Variants in SCAI observed in about 807,000 individuals in gnomAD.
The protein encoded by SCAI is protein SCAI.
Under a neutral mutation model 92.2 loss-of-function variants are expected in SCAI, and 24 were observed. The observed-to-expected ratio is 0.26, with a 90% CI of 0.19 to 0.37. The LOEUF is 0.37. Among genes scored for constraint, SCAI ranks in the 10% least tolerant of loss-of-function variants. SCAI has a pLI of 1.00. For missense variants in SCAI, 450 were observed against 736.2 expected, an observed-to-expected ratio of 0.61 and a Z score of 4.50; for synonymous variants, 261 against 258.6, an observed-to-expected ratio of 1.01 and a Z score of -0.09.
chr9:125,003,620 G>C, intron 9 of SCAI, 50 bp from the exon 10 acceptor site: 1 of 1,103,324 alleles, frequency 9.1e-7, no homozygotes, highest in Non-Finnish European at 1.4e-6. Flanking sequence ...GCAACACGCA[G>C]ACTTTAAAGA....
intron 17 of SCAI, among the ~76,000 whole-genome samples, chr9:124,955,704 G>T (rs563026099): frequency 6.6e-6 from 1 of 151,762 alleles, no homozygotes; most frequent in Non-Finnish European, 1.5e-5. Context: ...GAAAGTTAAT[G>T]GAAGTTTACC....
intron 15 of SCAI, chr9:124,975,105 T>A: frequency 3.1e-6 from 1 of 320,950 alleles, no homozygotes; most frequent in Non-Finnish European, 6.2e-6. Context: ...CCAGAAATGA[T>A]AAGAAACAGG....
intron 9 of SCAI, among the ~76,000 whole-genome samples, chr9:125,009,527 T>C (rs568989067): frequency 2.2e-3 from 333 of 151,944 alleles, no homozygotes; most frequent in African/African-American, 7.6e-3. Context: ...CCACTTTGCC[T>C]CCCAAAGTGC....
intron 17 of SCAI, among the ~76,000 whole-genome samples, chr9:124,954,121 G>A (rs997711021): frequency 2.6e-5 from 4 of 152,192 alleles, no homozygotes; most frequent in Non-Finnish European, 4.4e-5. Flanking sequence ...GATTACAGGC[G>A]TGAGCCACTG....
intron 9 of SCAI, among the ~76,000 whole-genome samples, chr9:125,007,067 C>T (rs56264612): frequency 0.18 from 27,493 of 151,952 alleles, 2,614 homozygotes; most frequent in East Asian, 0.24. Flanking sequence ...TGCAGTGAGC[C>T]GAGATCATGC....
At chr9:125,136,179 T>C (rs1464833547) in intron 2 of SCAI, among the ~76,000 whole-genome samples, 3 of 144,998 alleles carry the variant, frequency 2.1e-5, no homozygotes, top group East Asian at 2.2e-4. Context: ...GGTGCAATCA[T>C]GGCTCACTGC....
chr9:125,084,910 G>C (rs1442829376), intron 2 of SCAI, among the ~76,000 whole-genome samples: 1 of 152,168 alleles, frequency 6.6e-6, no homozygotes, highest in Admixed American at 6.5e-5. Context: ...CACTGGATGT[G>C]AATTCTGAAG....
intron 14 of SCAI, among the ~76,000 whole-genome samples, chr9:124,991,723 G>A (rs907803083): frequency 6.6e-6 from 1 of 152,002 alleles, no homozygotes; most frequent in Non-Finnish European, 1.5e-5. Flanking sequence ...TCTAGTCCCA[G>A]CTACTTGGGA....
chr9:125,037,411 CAA>C (rs5900641), intron 3 of SCAI, among the ~76,000 whole-genome samples: 5 of 139,842 alleles, frequency 3.6e-5, no homozygotes, highest in South Asian at 2.3e-4. Context: ...TCTATCCCTA[CAA>C]AAAAAAAAAG....
intron 3 of SCAI, among the ~76,000 whole-genome samples, chr9:125,044,054 C>A (rs1323012544): frequency 6.6e-6 from 1 of 152,168 alleles, no homozygotes; most frequent in African/African-American, 2.4e-5. Context: ...CAGCTCCTGG[C>A]ACCCACTCTG....
rs1248837882 is a variant in SCAI at position 125,003,458 on chromosome 9, G to A, written c.963+11C>T. 4.4e-6 allele frequency: 7 copies of A among 1,575,494 alleles called. No individual in the cohort carries two copies. The Admixed American group carries it at 8.4e-5, about 19-fold the overall frequency. On this transcript the variant is annotated intron_variant, in intron 10 of 17. Coordinates refer to ENST00000336505, the MANE Select transcript of SCAI (RefSeq NM_001144877.3). ...GGTTACCAAACTTGCAAATGTAAAAGAGGAGATTACCTGCATTCCTGGTTT... is the reference window on the plus strand; with the variant it reads ...GGTTACCAAACTTGCAAATGTAAAAAAGGAGATTACCTGCATTCCTGGTTT...
intron 6 of SCAI, among the ~76,000 whole-genome samples, chr9:125,021,978 A>G (rs1588157583): frequency 1.3e-5 from 2 of 152,274 alleles, no homozygotes; most frequent in East Asian, 3.9e-4. Flanking sequence ...ACCTTGTATT[A>G]AACTTGTGTT....
At chr9:125,047,696 C>T (rs1042468594) in intron 3 of SCAI, among the ~76,000 whole-genome samples, 2 of 152,170 alleles carry the variant, frequency 1.3e-5, no homozygotes, top group African/African-American at 4.8e-5. Flanking sequence ...CCTGAGCAAA[C>T]AGCCACACAT....
chr9:125,073,092 A>ATTTTTTTTTTTTTTTTTTT (rs764858681), intron 2 of SCAI, among the ~76,000 whole-genome samples: 10 of 72,478 alleles, frequency 1.4e-4, no homozygotes, highest in African/African-American at 3.8e-4. Flanking sequence ...TCTATTTTTA[A>ATTTTTTTTTTTTTTTTTTT]TTTTTTTTTT....
chr9:125,033,237 A>C (rs560286253), intron 3 of SCAI, among the ~76,000 whole-genome samples: 1 of 152,238 alleles, frequency 6.6e-6, no homozygotes, highest in East Asian at 1.9e-4. Context: ...AAAATGTTTA[A>C]GGTACATATT....
chr9:125,126,674 C>T (rs1835287373), intron 2 of SCAI, among the ~76,000 whole-genome samples: 1 of 152,080 alleles, frequency 6.6e-6, no homozygotes, highest in Non-Finnish European at 1.5e-5. Context: ...ATCACTTCTC[C>T]TGTGTTCTAT....
intron 2 of SCAI, among the ~76,000 whole-genome samples, chr9:125,070,397 C>CTTTT (rs34011891): frequency 6.8e-5 from 8 of 118,288 alleles, no homozygotes; most frequent in Admixed American, 9.3e-5. Context: ...TAAAAACAAT[C>CTTTT]TTTTTTTTTT....
At chr9:125,110,949 G>A (rs1027122052) in intron 2 of SCAI, among the ~76,000 whole-genome samples, 2 of 152,060 alleles carry the variant, frequency 1.3e-5, no homozygotes, top group South Asian at 2.1e-4. Flanking sequence ...CAATTAAACC[G>A]CTTCTCTTTA....
At chr9:125,048,390 A>G (rs910405427) in intron 3 of SCAI, among the ~76,000 whole-genome samples, 29 of 152,212 alleles carry the variant, frequency 1.9e-4, no homozygotes, top group Non-Finnish European at 4.4e-5. Context: ...ATAAAATGAC[A>G]GCCTATATCA....
Sources: allele counts gnomAD v4.1 joint callset (sites outside exome capture counted in the v4.1 genomes callset), GRCh38; gene constraint gnomAD v4.1.1; transcripts MANE v1.5; gene names NCBI Gene and HGNC (gene_info 2026-07-23, HGNC 2026-07-21).